Variants in NRP1 observed in about 807,000 individuals in gnomAD.
The protein encoded by NRP1 is neuropilin-1.
In NRP1, 35 loss-of-function variants were observed where a neutral mutation model predicts 106.7. The ratio of observed to expected loss-of-function variants is 0.33; its 90% CI spans 0.25 to 0.43. The LOEUF is 0.43. NRP1 is among the 20% of genes least tolerant of loss of function. The pLI is 1.00. For synonymous variants in NRP1, 437 were observed against 417.9 expected, an observed-to-expected ratio of 1.05 and a Z score of -0.56; for missense variants, 1,024 against 1,170.4, an observed-to-expected ratio of 0.87 and a Z score of 1.83.
rs114018202 is a variant in NRP1, at chr10:33,195,861, C to T, written c.1924+1789G>A. Among the ~76,000 whole-genome samples, 569 of 152,212 alleles carry T rather than the reference C, an allele frequency of 3.7e-3. 2 individuals are homozygous for T. Among genetic ancestry groups the T allele is most frequent in the African/African-American group, 0.013 (549 of 41,536 alleles). ...TCTGCACTGACTGTGAAATGCAAACCGGACCTGACCACCCCTGATCAGTAG... is the reference window on the plus strand; with the variant it reads ...TCTGCACTGACTGTGAAATGCAAACTGGACCTGACCACCCCTGATCAGTAG... On this transcript the variant is annotated intron_variant, in intron 12 of 16. Transcript: ENST00000374867.
rs562634957 is a variant in NRP1 at position 33,199,425 on chromosome 10, G to A, written c.1865-1716C>T. On this transcript the variant is annotated intron_variant, in intron 11 of 16. Coordinates refer to ENST00000374867, the MANE Select transcript of NRP1 (RefSeq NM_003873.7). ...TTTTTTTTTTTTTTTTTTTTTTGGCGGAGACAGGGATCTCACTGTCTGGCC... is the reference window on the plus strand; with the variant it reads ...TTTTTTTTTTTTTTTTTTTTTTGGCAGAGACAGGGATCTCACTGTCTGGCC... Among the ~76,000 whole-genome samples, 18 of 90,888 alleles carry A rather than the reference G, an allele frequency of 2.0e-4. No homozygotes were observed. In the South Asian group the frequency reaches 4.0e-3, roughly 20 times the overall value. The allele number at this position is 90,888 out of a possible 152,430, so 59.6% of individuals were successfully genotyped here.
rs186515657 is a variant in NRP1, at chr10:33,272,724, C to T, written c.249-1868G>A. The stretch of plus-strand genomic sequence containing the variant: ...AGGCAGGTTTGCATGTTTCGCCCCA[C>T]GCTTTCTTATAATTTAACTGTGATT... On this transcript the variant is annotated intron_variant, in intron 2 of 16. Transcript: ENST00000374867. 1.3e-3 allele frequency among the ~76,000 whole-genome samples: 198 copies of T among 152,234 alleles called. 2 individuals are homozygous for T. In the Middle Eastern group the frequency reaches 0.017, roughly 13 times the overall value.
rs143544841 is a variant in NRP1, at chr10:33,185,863, C to G, written c.2335-139G>C. 1,111 of 745,102 alleles carry G rather than the reference C, an allele frequency of 1.5e-3. 16 individuals carry two copies. The Admixed American group carries it at 0.018, about 12-fold the overall frequency. 46.2% of individuals were successfully genotyped at this position (745,102 alleles called of 1,614,324 possible). On this transcript the variant is annotated intron_variant, in intron 14 of 16. Transcript: ENST00000374867. ...CGTAACACAGACTTCACTCATCAAT[C>G]CACATTAGCTGCCTGGTGATGGTAT...
intron 13 of NRP1, among the ~76,000 whole-genome samples, chr10:33,190,943 T>C (rs1247584353): frequency 6.6e-6 from 1 of 152,108 alleles, no homozygotes; most frequent in African/African-American, 2.4e-5. Flanking sequence ...AGCCTTGAAC[T>C]CCTAGGCTCA....
intron 7 of NRP1, among the ~76,000 whole-genome samples, chr10:33,225,087 A>G (rs1839555514): frequency 6.6e-6 from 1 of 152,204 alleles, no homozygotes; most frequent in Non-Finnish European, 1.5e-5. Flanking sequence ...AACTGGTTCC[A>G]TGTCCTCCAG....
intron 2 of NRP1, among the ~76,000 whole-genome samples, chr10:33,279,153 G>A (rs981570703): frequency 6.6e-5 from 10 of 152,210 alleles, no homozygotes; most frequent in Non-Finnish European, 1.2e-4. Flanking sequence ...ATAGTGTACT[G>A]CTGGTTTCCT....
intron 3 of NRP1, among the ~76,000 whole-genome samples, chr10:33,268,137 T>C (rs2133278319): frequency 6.6e-6 from 1 of 152,306 alleles, no homozygotes; most frequent in East Asian, 1.9e-4. Flanking sequence ...TCATGACCTG[T>C]GCTTTTGTGT....
chr10:33,242,469 G>A (rs570717412), intron 6 of NRP1, among the ~76,000 whole-genome samples: 10 of 152,158 alleles, frequency 6.6e-5, no homozygotes, highest in African/African-American at 2.4e-4. Context: ...ATTTTTAAAG[G>A]TATGTTTAAA....
chr10:33,253,526 G>A (rs1232493667), intron 6 of NRP1, among the ~76,000 whole-genome samples: 1 of 151,968 alleles, frequency 6.6e-6, no homozygotes, highest in Non-Finnish European at 1.5e-5. Flanking sequence ...AGACCTACAT[G>A]GAAAAACACA....
chr10:33,331,185 A>T (rs1292203026), intron 1 of NRP1, among the ~76,000 whole-genome samples: 1 of 152,182 alleles, frequency 6.6e-6, no homozygotes, highest in Non-Finnish European at 1.5e-5. Flanking sequence ...CCCTCAATTG[A>T]TGTTAACATG....
intron 12 of NRP1, among the ~76,000 whole-genome samples, chr10:33,197,192 A>G (rs1836848484): frequency 6.6e-6 from 1 of 152,160 alleles, no homozygotes; most frequent in African/African-American, 2.4e-5. Context: ...TGGTTTCCTG[A>G]ACCCCGTTTT....
chr10:33,330,885 G>A lies in NRP1; in HGVS notation c.74-3C>T. 6.3e-7 allele frequency: 1 copy of A among 1,595,198 alleles called. No homozygotes were observed. The highest frequency in any genetic ancestry group is 8.6e-7 in the Non-Finnish European group (1 of 1,167,864). ...TTTTATAGTATCGCCACATTTATCT[G>A]CAATGAAAGTAAGATTTTAGCAGAT... is the stretch of plus-strand genomic sequence containing the variant. On this transcript the variant is annotated splice_region_variant and splice_polypyrimidine_tract_variant and intron_variant, in intron 1 of 16. Transcript: ENST00000374867.
chr10:33,180,777 A>G (rs2474732), intron 16 of NRP1, among the ~76,000 whole-genome samples: 24,180 of 152,198 alleles, frequency 0.16, 2,622 homozygotes, highest in African/African-American at 0.31. Context: ...AAACAGGCAC[A>G]AGAAAAACCT....
chr10:33,279,649 G>A (rs1843965466), intron 2 of NRP1, among the ~76,000 whole-genome samples: 1 of 152,118 alleles, frequency 6.6e-6, no homozygotes, highest in Non-Finnish European at 1.5e-5. Flanking sequence ...GTGTTTGATT[G>A]AATAACTGGG....
intron 6 of NRP1, among the ~76,000 whole-genome samples, chr10:33,247,014 C>G (rs894130746): frequency 7.9e-5 from 12 of 152,146 alleles, no homozygotes; most frequent in Admixed American, 5.9e-4. Flanking sequence ...CCCATTAATA[C>G]TGGAGAATAA....
chr10:33,211,217 G>A (rs1361661835), intron 9 of NRP1: 1 of 152,200 alleles, frequency 6.6e-6, no homozygotes, highest in Non-Finnish European at 1.5e-5. Flanking sequence ...GGGGAAGCAT[G>A]TGATGCATCC....
chr10:33,209,060 A>G (rs952268868), intron 9 of NRP1, among the ~76,000 whole-genome samples: 1 of 151,832 alleles, frequency 6.6e-6, no homozygotes, highest in Non-Finnish European at 1.5e-5. Context: ...GTGCACACCA[A>G]TATGTCCGGC....
At chr10:33,227,800 C>A (rs1387995580) in intron 6 of NRP1, among the ~76,000 whole-genome samples, 1 of 152,122 alleles carries the variant, frequency 6.6e-6, no homozygotes, top group African/African-American at 2.4e-5. Context: ...ATTTAAGCAG[C>A]AAGCACTCCA....
chr10:33,191,606 C>T (rs908562402), intron 13 of NRP1, among the ~76,000 whole-genome samples: 2 of 152,152 alleles, frequency 1.3e-5, no homozygotes, highest in Non-Finnish European at 2.9e-5. Context: ...CAGGGTCGTG[C>T]ACATAGAGAA....
Sources: allele counts gnomAD v4.1 joint callset (sites outside exome capture counted in the v4.1 genomes callset), GRCh38; gene constraint gnomAD v4.1.1; transcripts MANE v1.5; gene names NCBI Gene and HGNC (gene_info 2026-07-23, HGNC 2026-07-21).